Variants in SLC37A1 observed in about 807,000 individuals in gnomAD.
The protein encoded by SLC37A1 is glucose-6-phosphate exchanger SLC37A1.
SLC37A1 carries 49 observed loss-of-function variants against 75.3 expected under a neutral mutation model. The observed-to-expected ratio is 0.65, with a 90% CI of 0.52 to 0.83. The LOEUF (loss-of-function observed/expected upper bound fraction) is 0.83. SLC37A1 is among the 40% of genes least tolerant of loss of function. The pLI is 0.00. For missense variants in SLC37A1, 566 were observed against 695.0 expected, an observed-to-expected ratio of 0.81 and a Z score of 2.09; for synonymous variants, 268 against 292.1, an observed-to-expected ratio of 0.92 and a Z score of 0.84.
chr21:42,568,221 G>A, intron 16 of SLC37A1, 139 bp from the exon 17 acceptor site: 1 of 685,274 alleles, frequency 1.5e-6, no homozygotes, highest in South Asian at 1.7e-5. Context: ...AGGCAAGCTT[G>A]GGGTGGAGTT....
At chr21:42,523,517 G>T (rs904411314) in intron 2 of SLC37A1, among the ~76,000 whole-genome samples, 2 of 152,270 alleles carry the variant, frequency 1.3e-5, no homozygotes, top group Non-Finnish European at 2.9e-5. Flanking sequence ...CATCCAAAGC[G>T]CTGAGACTTT....
intron 5 of SLC37A1, among the ~76,000 whole-genome samples, chr21:42,536,859 A>G (rs2055152614): frequency 6.6e-6 from 1 of 152,180 alleles, no homozygotes; most frequent in Non-Finnish European, 1.5e-5. Flanking sequence ...TGCCCTTCAA[A>G]GCTCCCTGTA....
In SLC37A1 at chr21:42,503,350, C is replaced by T. The variant is rs2054357586; in HGVS notation, c.-179+933C>T. Reference sequence around the variant, plus strand: ...CTGCAGCCTAGACCTCCCAGGTTCACGTGATCCTCCTGCCTCAGCCTCCCG... The same window carrying T: ...CTGCAGCCTAGACCTCCCAGGTTCATGTGATCCTCCTGCCTCAGCCTCCCG... On this transcript the variant is annotated intron_variant, in intron 2 of 20. Transcript: ENST00000398341. Among the ~76,000 whole-genome samples the T allele has an allele frequency of 2.0e-5, 3 of 150,190 alleles. No individual in the cohort carries two copies. In the Admixed American group the frequency reaches 2.0e-4, roughly 10 times the overall value.
intron 18 of SLC37A1, among the ~76,000 whole-genome samples, chr21:42,579,480 C>G (rs2056371304): frequency 3.0e-5 from 1 of 33,864 alleles, no homozygotes; most frequent in African/African-American, 7.9e-5. Context: ...GCCTTGTTTT[C>G]AGGGCAGCTC....
At chr21:42,568,479 G>T (rs758650141) in intron 17 of SLC37A1, 41 bp downstream of exon 17, 5 of 1,583,112 alleles carry the variant, frequency 3.2e-6, no homozygotes, top group Non-Finnish European at 4.3e-6. Flanking sequence ...TGGTGTCTTA[G>T]GGGAAATCAC....
chr21:42,546,989 C>A, intron 8 of SLC37A1, 114 bp from the exon 9 acceptor site: 1 of 1,215,134 alleles, frequency 8.2e-7, no homozygotes, highest in Non-Finnish European at 1.2e-6. Flanking sequence ...ATCCTGCATA[C>A]AGTCCAGTTT....
intron 2 of SLC37A1, among the ~76,000 whole-genome samples, chr21:42,521,422 T>C (rs766375807): frequency 6.6e-6 from 1 of 152,216 alleles, no homozygotes; most frequent in Non-Finnish European, 1.5e-5. Flanking sequence ...GCAGAGGATG[T>C]CTTTGGACTA....
At chr21:42,525,920 TG>T in intron 3 of SLC37A1, 63 bp downstream of exon 3, 1 of 1,265,458 alleles carries the variant, frequency 7.9e-7, no homozygotes, top group Non-Finnish European at 1.2e-6. Context: ...GAAAAGCTTG[TG>T]GGGCAGAGGA....
At chr21:42,550,261 A>T (rs931770933) in intron 9 of SLC37A1, among the ~76,000 whole-genome samples, 3 of 152,250 alleles carry the variant, frequency 2.0e-5, no homozygotes, top group Non-Finnish European at 4.4e-5. Context: ...AAATTACCAA[A>T]ATCAGGACCA....
At chr21:42,549,575 A>G (rs1213213042) in intron 9 of SLC37A1, among the ~76,000 whole-genome samples, 1 of 152,214 alleles carries the variant, frequency 6.6e-6, no homozygotes, top group East Asian at 1.9e-4. Flanking sequence ...AGCTTCTGCA[A>G]ACAGCCCCAA....
chr21:42,567,492 A>T (rs2056010779), intron 16 of SLC37A1, among the ~76,000 whole-genome samples: 1 of 152,206 alleles, frequency 6.6e-6, no homozygotes. Context: ...GTGAGCATGC[A>T]GACTTGTGTC....
chr21:42,519,711 A>C (rs936722609), intron 2 of SLC37A1, among the ~76,000 whole-genome samples: 1 of 152,202 alleles, frequency 6.6e-6, no homozygotes, highest in Non-Finnish European at 1.5e-5. Context: ...ATTTGAGGGC[A>C]TCTGTGTTCT....
chr21:42,564,801 G>T lies in SLC37A1; in HGVS notation c.1221+8G>T. The T allele has an allele frequency of 1.2e-6, 2 of 1,602,710 alleles. No homozygotes were observed. The highest frequency in any genetic ancestry group is 1.7e-6 in the Non-Finnish European group (2 of 1,179,644). ...CTGCTCGCGGCCCCCACGGTCAGCC[G>T]TGCTGCCTTCCCTGGGCCCCAAAGC... On this transcript the variant is annotated splice_region_variant and intron_variant, in intron 14 of 19. Transcript: ENST00000352133.
chr21:42,579,968 T>C (rs453647), intron 19 of SLC37A1, among the ~76,000 whole-genome samples, 168 bp downstream of exon 19: 94,944 of 152,116 alleles, frequency 0.62, 30,348 homozygotes, highest in Admixed American at 0.7. Context: ...TAAATACCTC[T>C]GGATGGGTTA....
chr21:42,536,784 G>A (rs537304007), intron 5 of SLC37A1, among the ~76,000 whole-genome samples: 1 of 152,314 alleles, frequency 6.6e-6, no homozygotes, highest in South Asian at 2.1e-4. Context: ...CATCAGTCCT[G>A]AGAGCGCGGC....
chr21:42,555,025 G>A (rs58954943), intron 10 of SLC37A1, among the ~76,000 whole-genome samples: 4,286 of 137,612 alleles, frequency 0.031, 232 homozygotes, highest in African/African-American at 0.11. Flanking sequence ...TTACTCTGTC[G>A]CCCAGTCTGG....
At chr21:42,535,021 A>G (rs1448725106) in intron 4 of SLC37A1, among the ~76,000 whole-genome samples, 191 bp downstream of exon 4, 1 of 152,220 alleles carries the variant, frequency 6.6e-6, no homozygotes, top group Admixed American at 6.5e-5. Context: ...TTCCTCCTGA[A>G]AGAAGGTTCT....
At chr21:42,515,207 A>C (rs1357082756) in intron 1 of SLC37A1, among the ~76,000 whole-genome samples, 2 of 152,116 alleles carry the variant, frequency 1.3e-5, no homozygotes, top group Non-Finnish European at 2.9e-5. Flanking sequence ...TTAATATGGA[A>C]AGCGCCTTTA....
chr21:42,567,186 A>G, intron 16 of SLC37A1, 128 bp downstream of exon 16: 2 of 881,184 alleles, frequency 2.3e-6, no homozygotes, highest in Non-Finnish European at 3.6e-6. Flanking sequence ...GCTCACCTAC[A>G]CCTGTGGTCT....
Sources: allele counts gnomAD v4.1 joint callset (sites outside exome capture counted in the v4.1 genomes callset), GRCh38; gene constraint gnomAD v4.1.1; transcripts MANE v1.5; gene names NCBI Gene and HGNC (gene_info 2026-07-23, HGNC 2026-07-21).